CRACD: variants seen among roughly 807,000 people sequenced by gnomAD.
CRACD encodes capping protein-inhibiting regulator of actin dynamics.
A neutral mutation model predicts 106.8 loss-of-function variants in CRACD; 56 were observed. The ratio of observed to expected loss-of-function variants is 0.52; its 90% CI spans 0.42 to 0.66. The LOEUF is 0.66. CRACD is among the 30% of genes least tolerant of loss of function. The probability of loss-of-function intolerance (pLI) is 0.00; values close to 1 mark genes in which losing one functional copy is unlikely to be tolerated. For synonymous variants in CRACD, 754 were observed against 670.8 expected, an observed-to-expected ratio of 1.12 and a Z score of -1.92; for missense variants, 1,730 against 1,623.2, an observed-to-expected ratio of 1.07 and a Z score of -1.13.
At chr4:56,090,341 G>C (rs559383160) in intron 1 of CRACD, among the ~76,000 whole-genome samples, 1 of 152,236 alleles carries the variant, frequency 6.6e-6, no homozygotes, top group East Asian at 1.9e-4. Context: ...CGTTCCTGTG[G>C]TTATTGTTAG....
At chr4:56,198,687 T>C (rs1450796695) in intron 2 of CRACD, among the ~76,000 whole-genome samples, 3 of 152,142 alleles carry the variant, frequency 2.0e-5, no homozygotes, top group Non-Finnish European at 4.4e-5. Context: ...CTTTATTGTC[T>C]GTAAGATGGA....
At chr4:56,250,071 G>A (rs11939872) in intron 2 of CRACD, among the ~76,000 whole-genome samples, 319 of 152,092 alleles carry the variant, frequency 2.1e-3, no homozygotes, top group African/African-American at 7.2e-3. Flanking sequence ...ATATCTAAAG[G>A]TCTTTAACTT....
chr4:56,133,707 A>G (rs796788943), intron 1 of CRACD, among the ~76,000 whole-genome samples: 1 of 152,262 alleles, frequency 6.6e-6, no homozygotes, highest in South Asian at 2.1e-4. Context: ...ATTAAGCTGA[A>G]TTGGTTGAAA....
At chr4:56,051,586 C>T (rs1013957980) in intron 1 of CRACD, among the ~76,000 whole-genome samples, 1 of 152,122 alleles carries the variant, frequency 6.6e-6, no homozygotes, top group Non-Finnish European at 1.5e-5. Flanking sequence ...CTTGCCAGCT[C>T]CTTGCCACTA....
intron 1 of CRACD, among the ~76,000 whole-genome samples, chr4:56,075,045 C>G (rs1291874817): frequency 6.6e-6 from 1 of 152,126 alleles, no homozygotes; most frequent in African/African-American, 2.4e-5. Flanking sequence ...CCGACTTGAT[C>G]GTGGTGGATA....
chr4:56,172,432 T>C lies in CRACD; in HGVS notation c.-335-6852T>C, dbSNP rs118181095. On this transcript the variant is annotated intron_variant, in intron 1 of 10. Transcript: ENST00000682029. ...TCACAGGCATCATGACTTGCAGAAG[T>C]GAACGAATCTTGGAGATGTGGTTCT... Among the ~76,000 whole-genome samples, 1,463 of 152,332 alleles carry C rather than the reference T, an allele frequency of 9.6e-3. 47 individuals are homozygous for C. In the East Asian group the frequency reaches 0.11, roughly 12 times the overall value.
chr4:56,281,507 A>G (rs1424461881), intron 3 of CRACD, among the ~76,000 whole-genome samples: 1 of 152,022 alleles, frequency 6.6e-6, no homozygotes, highest in Non-Finnish European at 1.5e-5. Context: ...CTCACTCGAG[A>G]GCTGTGTGAC....
At chr4:56,289,532 G>T (rs1743580862) in intron 3 of CRACD, among the ~76,000 whole-genome samples, 1 of 152,010 alleles carries the variant, frequency 6.6e-6, no homozygotes, top group African/African-American at 2.4e-5. Context: ...ACTTAGCCAG[G>T]CACGGTGGTG....
At chr4:56,260,007 A>G (rs1424190532) in intron 2 of CRACD, among the ~76,000 whole-genome samples, 1 of 152,200 alleles carries the variant, frequency 6.6e-6, no homozygotes. Context: ...TCTTCCCACC[A>G]AGCAAAGAAT....
intron 2 of CRACD, among the ~76,000 whole-genome samples, chr4:56,256,723 C>A (rs1325125505): frequency 1.3e-5 from 2 of 152,206 alleles, no homozygotes; most frequent in East Asian, 1.9e-4. Flanking sequence ...TGCCCATGGT[C>A]CTCATTCTTG....
Position 56,072,139 on chromosome 4 carries a change from A to AAAAAG in CRACD, c.-336+22844_-336+22845insGAAAA, listed in dbSNP as rs1168610895. ...CGAGACTCCGTCTCAAAAAAAAAAA[A>AAAAAG]AAAAAGAAAAGTTTCAGAATTGGGA... On this transcript the variant is annotated intron_variant, in intron 1 of 10. Transcript: ENST00000682029. Among the ~76,000 whole-genome samples, 74 of 151,714 alleles carry AAAAAG rather than the reference A, an allele frequency of 4.9e-4. No homozygotes were observed. The Middle Eastern group carries it at 0.014, about 28-fold the overall frequency.
chr4:56,324,628 G>A (rs1001919286), intron 10 of CRACD, among the ~76,000 whole-genome samples: 34 of 152,170 alleles, frequency 2.2e-4, no homozygotes, highest in African/African-American at 7.0e-4. Flanking sequence ...CGTTTAGCAC[G>A]GCAGTATGAG....
intron 1 of CRACD, among the ~76,000 whole-genome samples, chr4:56,065,998 G>T (rs998654972): frequency 6.6e-6 from 1 of 152,134 alleles, no homozygotes; most frequent in Non-Finnish European, 1.5e-5. Context: ...GTTTATTCAC[G>T]TGGTAGCATC....
chr4:56,136,039 G>C (rs1263515505), intron 1 of CRACD, among the ~76,000 whole-genome samples: 7 of 151,014 alleles, frequency 4.6e-5, no homozygotes, highest in Non-Finnish European at 7.4e-5. Context: ...TTTTTTGGTG[G>C]AGCTTTTTTT....
intron 1 of CRACD, among the ~76,000 whole-genome samples, chr4:56,115,075 A>G (rs1176175995): frequency 1.3e-5 from 2 of 152,184 alleles, no homozygotes; most frequent in African/African-American, 2.4e-5. Context: ...AGTAATTCCA[A>G]TGGGTATAGG....
At chr4:56,148,808 G>T (rs1265265042) in intron 1 of CRACD, among the ~76,000 whole-genome samples, 1 of 147,200 alleles carries the variant, frequency 6.8e-6, no homozygotes, top group Non-Finnish European at 1.5e-5. Flanking sequence ...TTTATCCTTA[G>T]ATTTTTTTTT....
At chr4:56,072,107 G>A (rs1482365172) in intron 1 of CRACD, among the ~76,000 whole-genome samples, 2 of 140,560 alleles carry the variant, frequency 1.4e-5, no homozygotes, top group Non-Finnish European at 3.0e-5. Context: ...CAGCCTGGGC[G>A]ACAGAGCGAG....
intron 2 of CRACD, among the ~76,000 whole-genome samples, chr4:56,270,453 T>C (rs776649010): frequency 1.3e-5 from 2 of 152,210 alleles, no homozygotes; most frequent in Non-Finnish European, 2.9e-5. Flanking sequence ...CTCATTTGTG[T>C]GCCTGGATTC....
chr4:56,301,364 T>A (rs1039413257), intron 4 of CRACD: 4 of 481,276 alleles, frequency 8.3e-6, no homozygotes, highest in African/African-American at 2.0e-5. Flanking sequence ...CGCCCCCTTG[T>A]AGATGCCAGC....
Sources: gnomAD v4.1 joint callset for allele counts (sites outside exome capture counted in the v4.1 genomes callset) on GRCh38, gnomAD v4.1.1 for gene constraint, MANE v1.5 for transcripts, NCBI Gene and HGNC (gene_info 2026-07-23, HGNC 2026-07-21) for gene names.